DAB1: variants seen among roughly 807,000 people sequenced by gnomAD.
DAB1 encodes the protein disabled homolog 1.
DAB1 carries 15 observed loss-of-function variants against 64.6 expected under a neutral mutation model. The ratio of observed to expected loss-of-function variants is 0.23; its 90% CI spans 0.16 to 0.36. The LOEUF (loss-of-function observed/expected upper bound fraction) is 0.36. DAB1 is among the 10% of genes least tolerant of loss of function. DAB1 has a pLI of 1.00. For synonymous variants in DAB1, 235 were observed against 251.9 expected (o/e 0.93, Z 0.64); for missense variants, 596 against 706.7 (o/e 0.84, Z 1.78).
At chr1:57,027,085 G>C (rs1228062575) in intron 9 of DAB1, among the ~76,000 whole-genome samples, 1 of 152,140 alleles carries the variant, frequency 6.6e-6, no homozygotes, top group Non-Finnish European at 1.5e-5. Flanking sequence ...CAGGACTCCT[G>C]CACTCAAACC....
intron 5 of DAB1, among the ~76,000 whole-genome samples, chr1:58,058,129 C>T (rs1648255716): frequency 6.6e-6 from 1 of 152,068 alleles, no homozygotes; most frequent in South Asian, 2.1e-4. Context: ...TCCAATCTGT[C>T]TTATTCTTAG....
chr1:57,851,528 G>C (rs1473781981), intron 1 of DAB1, among the ~76,000 whole-genome samples: 1 of 152,194 alleles, frequency 6.6e-6, no homozygotes, highest in Non-Finnish European at 1.5e-5. Context: ...TAGCTGCAGG[G>C]CTGCTGAGCA....
At chr1:58,001,261 T>TTTTG (rs568185540) in intron 5 of DAB1, among the ~76,000 whole-genome samples, 12 of 152,130 alleles carry the variant, frequency 7.9e-5, no homozygotes, top group African/African-American at 1.7e-4. Flanking sequence ...AAGGGCTCTT[T>TTTTG]TTTGTTTGTT....
intron 1 of DAB1, among the ~76,000 whole-genome samples, chr1:57,865,348 A>C (rs907248968): frequency 1.3e-5 from 2 of 152,118 alleles, no homozygotes; most frequent in East Asian, 3.9e-4. Context: ...TGAAGACCAC[A>C]ACTTTTTGGT....
intron 5 of DAB1, among the ~76,000 whole-genome samples, chr1:58,051,818 A>G (rs1027968206): frequency 5.9e-5 from 9 of 152,174 alleles, no homozygotes; most frequent in African/African-American, 2.2e-4. Flanking sequence ...GCATTATTTC[A>G]TGTGTTTGTT....
In DAB1 at chr1:57,253,116, G is replaced by A. The variant is rs955034375; in HGVS notation, c.67+37848C>T. ...AGGCTGGGAACAGCTGGGAGGAGTG[G>A]AGCTCTTCTGCTTCGGGATCTGCAT... On this transcript the variant is annotated intron_variant, in intron 2 of 14. Coordinates refer to ENST00000371236, the MANE Select transcript of DAB1 (RefSeq NM_001365792.1). 2.6e-5 allele frequency among the ~76,000 whole-genome samples: 4 copies of A among 152,168 alleles called. No individual in the cohort carries two copies. The South Asian group carries it at 8.3e-4, about 32-fold the overall frequency.
intron 2 of DAB1, among the ~76,000 whole-genome samples, chr1:58,515,794 G>A (rs1646149732): frequency 6.6e-6 from 1 of 152,086 alleles, no homozygotes; most frequent in Non-Finnish European, 1.5e-5. Context: ...TAGGTTATTA[G>A]ATAAATCACT....
intron 4 of DAB1, among the ~76,000 whole-genome samples, chr1:58,252,346 G>A (rs1478020628): frequency 6.6e-6 from 1 of 152,180 alleles, no homozygotes; most frequent in East Asian, 1.9e-4. Flanking sequence ...AACATTTCGA[G>A]CAGGAAAGAT....
At chr1:57,038,007 T>C (rs1470730986) in intron 9 of DAB1, among the ~76,000 whole-genome samples, 1 of 152,234 alleles carries the variant, frequency 6.6e-6, no homozygotes, top group African/African-American at 2.4e-5. Context: ...TTTTAAATTT[T>C]ATTACATTTT....
At chr1:58,536,766 G>A (rs568437444) in intron 1 of DAB1, 4 of 863,038 alleles carry the variant, frequency 4.6e-6, no homozygotes, top group Middle Eastern at 2.2e-4. Context: ...AAAATTCAAA[G>A]TTCTGAAAAT....
At chr1:57,832,218 CA>C (rs1292533734) in intron 1 of DAB1, among the ~76,000 whole-genome samples, 1 of 151,974 alleles carries the variant, frequency 6.6e-6, no homozygotes, top group African/African-American at 2.4e-5. Context: ...GTCTGAAGGA[CA>C]AGTCACAAGA....
intron 2 of DAB1, among the ~76,000 whole-genome samples, chr1:57,186,276 G>A (rs1452737466): frequency 6.6e-6 from 1 of 152,140 alleles, no homozygotes; most frequent in Non-Finnish European, 1.5e-5. Flanking sequence ...TCCAGGATTA[G>A]TATGGGAAAA....
chr1:58,347,389 C>A (rs1213434667), intron 3 of DAB1, among the ~76,000 whole-genome samples: 1 of 152,154 alleles, frequency 6.6e-6, no homozygotes, highest in East Asian at 1.9e-4. Flanking sequence ...TGCAGGCATG[C>A]GTGACTGCAC....
At chr1:57,658,895 T>C (rs1646350786) in intron 6 of DAB1, among the ~76,000 whole-genome samples, 1 of 152,168 alleles carries the variant, frequency 6.6e-6, no homozygotes, top group Non-Finnish European at 1.5e-5. Context: ...ATTGGTAGAC[T>C]ATGGACCTCT....
At chr1:57,885,591 C>G (rs1426702106), upstream of DAB1, among the ~76,000 whole-genome samples, 1 of 152,158 alleles carries the variant, frequency 6.6e-6, no homozygotes, top group East Asian at 1.9e-4. Context: ...GATTGATAAG[C>G]AGAACTCTAA....
At chr1:57,908,909 T>A (rs755402876) in intron 5 of DAB1, among the ~76,000 whole-genome samples, 2 of 152,146 alleles carry the variant, frequency 1.3e-5, no homozygotes, top group East Asian at 3.8e-4. Context: ...GCAATTGGGA[T>A]TCAGCCATGG....
At chr1:57,359,102 C>G (rs1280085847) in intron 1 of DAB1, among the ~76,000 whole-genome samples, 1 of 151,830 alleles carries the variant, frequency 6.6e-6, no homozygotes, top group African/African-American at 2.4e-5. Flanking sequence ...GAGATTACAT[C>G]AATCTAAAAA....
chr1:57,890,406 T>C (rs896575105), intron 5 of DAB1, among the ~76,000 whole-genome samples: 18 of 151,856 alleles, frequency 1.2e-4, no homozygotes. Flanking sequence ...TGCTGTCCCA[T>C]TTTTTTTCTT....
At chr1:57,775,447 A>C (rs1649751749) in intron 6 of DAB1, among the ~76,000 whole-genome samples, 1 of 151,644 alleles carries the variant, frequency 6.6e-6, no homozygotes, top group Non-Finnish European at 1.5e-5. Context: ...TGCATCCCAC[A>C]AAGCTGATAT....
Sources: gnomAD v4.1 joint callset for allele counts (sites outside exome capture counted in the v4.1 genomes callset) on GRCh38, gnomAD v4.1.1 for gene constraint, MANE v1.5 for transcripts, NCBI Gene and HGNC (gene_info 2026-07-23, HGNC 2026-07-21) for gene names.